The following FRMD4A variants were observed in gnomAD, a reference collection of about 807,000 sequenced individuals.
The protein encoded by FRMD4A is FERM domain containing 4A.
A neutral mutation model predicts 129.1 loss-of-function variants in FRMD4A; 29 were observed. The observed-to-expected ratio is 0.22, with a 90% CI of 0.17 to 0.31. The LOEUF (loss-of-function observed/expected upper bound fraction) is 0.31, where lower values mean the gene tolerates loss of function less well. Among genes scored for constraint, FRMD4A ranks in the 10% least tolerant of loss-of-function variants. FRMD4A has a pLI of 1.00. For missense variants in FRMD4A, 1,272 were observed against 1,375.8 expected (o/e 0.92, Z 1.19); for synonymous variants, 634 against 571.6 (o/e 1.11, Z -1.56).
intron 18 of FRMD4A, 111 bp from the exon 19 acceptor site, chr10:13,663,620 G>C (rs1204750324): frequency 1.5e-6 from 1 of 689,232 alleles, no homozygotes; most frequent in Non-Finnish European, 2.7e-6. Flanking sequence ...TTCCTAACCA[G>C]AAACAACCCA....
At chr10:14,281,871 T>G (rs1448298920) in intron 2 of FRMD4A, among the ~76,000 whole-genome samples, 1 of 152,166 alleles carries the variant, frequency 6.6e-6, no homozygotes, top group East Asian at 1.9e-4. Context: ...GTCTATACAT[T>G]AGAGGGACCA....
chr10:13,861,408 C>T (rs148031358), intron 2 of FRMD4A, among the ~76,000 whole-genome samples: 166 of 152,290 alleles, frequency 1.1e-3, no homozygotes, highest in African/African-American at 3.7e-3. Context: ...TCCATCAAGT[C>T]GGGTTTTCCT....
intron 2 of FRMD4A, among the ~76,000 whole-genome samples, chr10:14,179,965 C>T (rs547092481): frequency 5.0e-4 from 76 of 152,228 alleles, no homozygotes; most frequent in African/African-American, 9.1e-4. Flanking sequence ...ATCCAGGAGG[C>T]GGAGGTTGCG....
At chr10:13,935,003 G>A (rs144478793) in intron 2 of FRMD4A, among the ~76,000 whole-genome samples, 43 of 152,226 alleles carry the variant, frequency 2.8e-4, no homozygotes, top group African/African-American at 7.5e-4. Flanking sequence ...AGGGTAAGGC[G>A]GCTCTCTAGG....
intron 2 of FRMD4A, among the ~76,000 whole-genome samples, chr10:13,859,944 G>A (rs939660629): frequency 6.6e-6 from 1 of 152,140 alleles, no homozygotes; most frequent in African/African-American, 2.4e-5. Flanking sequence ...GTTACCGTTC[G>A]TCTCCATGCC....
At chr10:13,689,598 C>G (rs1178314170) in intron 15 of FRMD4A, among the ~76,000 whole-genome samples, 8 of 144,554 alleles carry the variant, frequency 5.5e-5, no homozygotes, top group African/African-American at 2.1e-4. Context: ...GTCACCTAGG[C>G]TGTTAGTATA....
chr10:13,852,017 T>C (rs762859771), intron 3 of FRMD4A, among the ~76,000 whole-genome samples: 11 of 151,866 alleles, frequency 7.2e-5, no homozygotes, highest in Non-Finnish European at 5.9e-5. Context: ...TGGTGAGCTG[T>C]AGAATTATTT....
At chr10:14,318,326 C>CT (rs1564461588) in intron 2 of FRMD4A, among the ~76,000 whole-genome samples, 1 of 18,630 alleles carries the variant, frequency 5.4e-5, no homozygotes, top group Non-Finnish European at 1.3e-4. Context: ...TATCCCCCCC[C>CT]ACCTTTTTTT....
At chr10:14,232,323 G>T (rs1316972290) in intron 2 of FRMD4A, among the ~76,000 whole-genome samples, 1 of 152,106 alleles carries the variant, frequency 6.6e-6, no homozygotes, top group Non-Finnish European at 1.5e-5. Flanking sequence ...TGCTGTTTTG[G>T]TAACTGTAGC....
chr10:14,028,624 T>A (rs901943778), intron 2 of FRMD4A, among the ~76,000 whole-genome samples: 3 of 152,204 alleles, frequency 2.0e-5, no homozygotes, highest in Non-Finnish European at 4.4e-5. Flanking sequence ...CAAAACTTGC[T>A]TTTCAAAGGA....
chr10:14,157,839 GA>G (rs529214602), intron 2 of FRMD4A, among the ~76,000 whole-genome samples: 1,974 of 152,194 alleles, frequency 0.013, 22 homozygotes, highest in Non-Finnish European at 0.018. Flanking sequence ...TCTAGGAAGA[GA>G]AGACCCTAAG....
chr10:14,241,852 C>A (rs1844060894), intron 2 of FRMD4A, among the ~76,000 whole-genome samples: 1 of 151,844 alleles, frequency 6.6e-6, no homozygotes, highest in African/African-American at 2.4e-5. Context: ...GGCTGAGGAC[C>A]CCAAGGCCAC....
rs142382188 is a variant in FRMD4A, at chr10:14,258,461, C to T, written c.45+71597G>A. 1.3e-4 allele frequency among the ~76,000 whole-genome samples: 20 copies of T among 152,212 alleles called. No individual in the cohort carries two copies. In the South Asian group the frequency reaches 1.7e-3, roughly 13 times the overall value. ...GCACATGAAAAAATCCTCAGCACCACGCATTATTAGGAAAAAGCAAATTAA... is the reference window on the plus strand; with the variant it reads ...GCACATGAAAAAATCCTCAGCACCATGCATTATTAGGAAAAAGCAAATTAA... On this transcript the variant is annotated intron_variant, in intron 2 of 24. Transcript: ENST00000357447.
chr10:14,023,050 C>T (rs1231637584), intron 2 of FRMD4A, among the ~76,000 whole-genome samples: 1 of 152,114 alleles, frequency 6.6e-6, no homozygotes, highest in African/African-American at 2.4e-5. Context: ...CAGTGGCAGC[C>T]AGGCAGAGGA....
intron 2 of FRMD4A, among the ~76,000 whole-genome samples, chr10:14,105,503 T>C (rs1029204795): frequency 6.6e-6 from 1 of 152,200 alleles, no homozygotes; most frequent in Non-Finnish European, 1.5e-5. Flanking sequence ...TAATGGACTA[T>C]TATATAAATT....
Position 13,717,609 on chromosome 10 carries a change from CG to C in FRMD4A, c.760-10497del, listed in dbSNP as rs201798089. Reference sequence around the variant, plus strand: ...AATTACAGGCATGAGCCAACGCACCCGGCTAAATTTTTTTTTTTTTTTTTTT... The same window carrying C: ...AATTACAGGCATGAGCCAACGCACCCGCTAAATTTTTTTTTTTTTTTTTTT... On this transcript the variant is annotated intron_variant, in intron 12 of 24. Transcript: ENST00000357447. Among the ~76,000 whole-genome samples, 1,696 of 105,544 alleles carry C rather than the reference CG, an allele frequency of 0.016. 70 individuals carry two copies. The South Asian group carries it at 0.18, about 11-fold the overall frequency. The allele number at this position is 105,544 out of a possible 152,430, so 69.2% of individuals were successfully genotyped here. A position where few individuals can be genotyped will look rare whatever the true frequency, so the allele number is the denominator to read the frequency against.
chr10:14,145,624 A>C (rs768374697), intron 2 of FRMD4A, among the ~76,000 whole-genome samples: 7 of 152,216 alleles, frequency 4.6e-5, no homozygotes, highest in Non-Finnish European at 8.8e-5. Flanking sequence ...TAGTAATACT[A>C]TCTGCAAAAA....
At chr10:13,796,299 T>C (rs1450195869) in intron 5 of FRMD4A, among the ~76,000 whole-genome samples, 197 bp downstream of exon 5, 1 of 152,178 alleles carries the variant, frequency 6.6e-6, no homozygotes, top group African/African-American at 2.4e-5. Flanking sequence ...CACACATCCT[T>C]GCACACTCAC....
intron 12 of FRMD4A, among the ~76,000 whole-genome samples, chr10:13,720,405 G>C (rs1324688691): frequency 6.6e-6 from 1 of 152,124 alleles, no homozygotes; most frequent in Non-Finnish European, 1.5e-5. Context: ...ACATAAGGAG[G>C]AGTCTGTGAA....
Sources: gnomAD v4.1 joint callset for allele counts (sites outside exome capture counted in the v4.1 genomes callset) on GRCh38, gnomAD v4.1.1 for gene constraint, MANE v1.5 for transcripts, NCBI Gene and HGNC (gene_info 2026-07-23, HGNC 2026-07-21) for gene names.